The following ELAVL2 variants were observed in gnomAD, a reference collection of about 807,000 sequenced individuals.
ELAVL2 encodes ELAV like RNA binding protein 2, also known as ELAV-like protein 2.
ELAVL2 carries 4 observed loss-of-function variants against 34.6 expected under a neutral mutation model. The observed-to-expected ratio is 0.12, with a 90% CI of 0.06 to 0.26. ELAVL2 has a LOEUF of 0.26. Among genes scored for constraint, ELAVL2 ranks in the 10% least tolerant of loss-of-function variants. The probability of loss-of-function intolerance (pLI) is 1.00; values close to 1 mark genes in which losing one functional copy is unlikely to be tolerated. For missense variants in ELAVL2, 432 were observed against 442.8 expected, an observed-to-expected ratio of 0.98 and a Z score of 0.22; for synonymous variants, 193 against 154.8, an observed-to-expected ratio of 1.25 and a Z score of -1.83.
chr9:23,725,652 C>A (rs2044931936), intron 3 of ELAVL2, among the ~76,000 whole-genome samples: 1 of 152,058 alleles, frequency 6.6e-6, no homozygotes, highest in South Asian at 2.1e-4. Context: ...CCCAATAATC[C>A]TGTCGCAAAA....
At chr9:23,816,338 AAAAAAAAAG>A (rs1289091673) in intron 1 of ELAVL2, among the ~76,000 whole-genome samples, 7 of 149,684 alleles carry the variant, frequency 4.7e-5, no homozygotes, top group Non-Finnish European at 8.9e-5. Context: ...AAAAAAAAAA[AAAAAAAAAG>A]GGGATAAAAA....
At chr9:23,709,131 C>A (rs1426498127) in intron 3 of ELAVL2, among the ~76,000 whole-genome samples, 3 of 152,144 alleles carry the variant, frequency 2.0e-5, no homozygotes, top group Middle Eastern at 3.2e-3. Context: ...ATTGCCTTCT[C>A]CTTCCTCCCA....
intron 3 of ELAVL2, among the ~76,000 whole-genome samples, chr9:23,715,310 G>A (rs1239319708): frequency 2.0e-5 from 3 of 151,856 alleles, no homozygotes; most frequent in East Asian, 1.9e-4. Context: ...CACCACGCCC[G>A]GCTAATTTTG....
chr9:23,783,286 A>C (rs113128383), intron 1 of ELAVL2, among the ~76,000 whole-genome samples: 1 of 152,238 alleles, frequency 6.6e-6, no homozygotes, highest in Non-Finnish European at 1.5e-5. Context: ...CTTGTAAACA[A>C]AAGTAAATAT....
chr9:23,707,394 C>A (rs1439848804), intron 3 of ELAVL2, among the ~76,000 whole-genome samples: 1 of 151,914 alleles, frequency 6.6e-6, no homozygotes, highest in Admixed American at 6.6e-5. Context: ...CTTTTTTTTC[C>A]ACAGGAGGGA....
intron 5 of ELAVL2, among the ~76,000 whole-genome samples, chr9:23,696,596 G>A (rs1362859127): frequency 6.6e-6 from 1 of 152,152 alleles, no homozygotes; most frequent in Non-Finnish European, 1.5e-5. Flanking sequence ...AGCCTCTCGA[G>A]TAGCTGGGAC....
intron 3 of ELAVL2, among the ~76,000 whole-genome samples, chr9:23,705,754 T>C (rs1192374287): frequency 6.6e-6 from 1 of 152,188 alleles, no homozygotes; most frequent in African/African-American, 2.4e-5. Flanking sequence ...GAGGTGGAGC[T>C]TGGGCAATAA....
rs552369901 is a variant in ELAVL2 at position 23,826,171 on chromosome 9, T to C, written c.-381A>G. The C allele has an allele frequency of 6.6e-6, 1 of 152,376 alleles. No homozygotes were observed. The highest frequency in any genetic ancestry group is 2.4e-5 in the African/African-American group (1 of 41,592). 9.4% of individuals were successfully genotyped at this position (152,376 alleles called of 1,614,324 possible). On this transcript the variant is annotated 5_prime_UTR_variant, in exon 1 of 7. It removes the in-frame stop codon of an upstream open reading frame in the 5' UTR. Transcript: ENST00000397312. ...ACGATGTCTTTCTCCTTGTTGCTTT[T>C]TAGTAGGTCGCTACAGGAGTAAGCT...
intron 2 of ELAVL2, among the ~76,000 whole-genome samples, chr9:23,744,136 T>G (rs1445366543): frequency 2.0e-5 from 3 of 152,136 alleles, no homozygotes; most frequent in Admixed American, 2.0e-4. Context: ...TGGGATCTCA[T>G]CTGTGGGAAA....
chr9:23,740,345 G>A (rs1359613444), intron 2 of ELAVL2, among the ~76,000 whole-genome samples: 1 of 152,166 alleles, frequency 6.6e-6, no homozygotes, highest in African/African-American at 2.4e-5. Flanking sequence ...AAAGTTGGAG[G>A]TTCAAAGATG....
At chr9:23,743,993 G>A (rs949094594) in intron 2 of ELAVL2, among the ~76,000 whole-genome samples, 13 of 152,260 alleles carry the variant, frequency 8.5e-5, no homozygotes, top group Admixed American at 7.2e-4. Context: ...TGCCCACTTG[G>A]CAAACACATT....
chr9:23,806,299 A>C (rs1466195618), intron 1 of ELAVL2, among the ~76,000 whole-genome samples: 16 of 152,142 alleles, frequency 1.1e-4, no homozygotes, highest in Admixed American at 1.0e-3. Flanking sequence ...CAGCATATAT[A>C]ATTTTAATCT....
chr9:23,708,254 A>C (rs926403062), intron 3 of ELAVL2, among the ~76,000 whole-genome samples: 1 of 152,232 alleles, frequency 6.6e-6, no homozygotes, highest in African/African-American at 2.4e-5. Context: ...TTAAACTTAC[A>C]TTTAGGGCAT....
intron 1 of ELAVL2, among the ~76,000 whole-genome samples, chr9:23,774,003 A>G (rs1306234365): frequency 6.6e-6 from 1 of 151,910 alleles, no homozygotes; most frequent in Non-Finnish European, 1.5e-5. Flanking sequence ...CGAGGTCAGG[A>G]TATCGAGACC....
At chr9:23,695,488 G>A (rs1402201646) in intron 5 of ELAVL2, among the ~76,000 whole-genome samples, 1 of 152,158 alleles carries the variant, frequency 6.6e-6, no homozygotes, top group East Asian at 1.9e-4. Context: ...ATCTGCCCCT[G>A]AAGTGAATTA....
rs373602728 is a variant in ELAVL2 at position 23,705,005 on chromosome 9, T to G, written c.400A>C (p.Lys134Gln). The G allele has an allele frequency of 1.9e-6, 3 of 1,614,124 alleles. No homozygotes were observed. The highest frequency in any genetic ancestry group is 2.5e-6 in the Non-Finnish European group (3 of 1,180,000). Residue 134 changes from lysine to glutamine, a missense_variant, in exon 4 of 7, where the codon AAA becomes CAA. Transcript: ENST00000397312. The part of the protein sequence containing the change: ...DANLYVSGLP[K>Q]TMTQKELEQL... ...TCCAACTCCTTCTGGGTCATTGTTT[T>G]TGGAAGTCCGCTGACATATAAATTT...
chr9:23,849,175 A>G, the ELAVL2 span, among the ~76,000 whole-genome samples: 2 of 152,170 alleles, frequency 1.3e-5, no homozygotes, highest in African/African-American at 2.4e-5. Flanking sequence ...CCTCCTATTT[A>G]AAAACAAAAG....
At chr9:23,830,167 G>A (rs2138742212), upstream of ELAVL2, 1 of 152,320 alleles carries the variant, frequency 6.6e-6, no homozygotes, top group East Asian at 1.9e-4. Context: ...GAATATCCCA[G>A]CTGGAATTGC....
the ELAVL2 span, among the ~76,000 whole-genome samples, chr9:23,840,635 A>G: frequency 6.6e-6 from 1 of 152,288 alleles, no homozygotes; most frequent in East Asian, 1.9e-4. Flanking sequence ...TCATATTGCT[A>G]TGAGGTCACA....
Sources: gnomAD v4.1 joint callset for allele counts (sites outside exome capture counted in the v4.1 genomes callset) on GRCh38, gnomAD v4.1.1 for gene constraint, MANE v1.5 for transcripts, NCBI Gene and HGNC (gene_info 2026-07-23, HGNC 2026-07-21) for gene names.